Variants in HDX observed in about 807,000 individuals in gnomAD.
The protein encoded by HDX is highly divergent homeobox, also known as chromosome X open reading frame 43.
HDX carries 19 observed loss-of-function variants against 45.2 expected under a neutral mutation model. The observed-to-expected ratio is 0.42, with a 90% CI of 0.29 to 0.62. The LOEUF (loss-of-function observed/expected upper bound fraction) is 0.62. HDX is among the 20% of genes least tolerant of loss of function. HDX has a pLI of 0.20. For synonymous variants in HDX, 188 were observed against 172.8 expected, an observed-to-expected ratio of 1.09 and a Z score of -0.69; for missense variants, 532 against 493.9, an observed-to-expected ratio of 1.08 and a Z score of -0.73.
At chrX:84,475,546 G>A (rs1195523119) in intron 2 of HDX, 149 bp from the exon 3 acceptor site, 1 of 394,656 alleles carries the variant, frequency 2.5e-6, no homozygotes. Flanking sequence ...AATAATTTGT[G>A]TGCTAAAGGG....
At chrX:84,372,985 T>A (rs1237891230) in intron 5 of HDX, among the ~76,000 whole-genome samples, 1 of 112,078 alleles carries the variant, frequency 8.9e-6, no homozygotes, top group Non-Finnish European at 1.9e-5. Flanking sequence ...GTTAAGATAA[T>A]CCATGTGATT....
chrX:84,367,729 T>C (rs1450146314), intron 5 of HDX, among the ~76,000 whole-genome samples: 5 of 111,852 alleles, frequency 4.5e-5, no homozygotes, highest in Non-Finnish European at 9.4e-5. Context: ...GAAACCATCA[T>C]TCTCTGCAAA....
intron 6 of HDX, among the ~76,000 whole-genome samples, chrX:84,353,672 C>A (rs2147825753): frequency 9.0e-6 from 1 of 111,451 alleles, no homozygotes; most frequent in East Asian, 2.8e-4. Flanking sequence ...AACATTATTT[C>A]TAGGTGTGTC....
Position 84,468,903 on chromosome X carries a change from G to A in HDX, c.820C>T (p.Pro274Ser). Reference sequence around the variant, plus strand: ...GCATTTCCTCCCAGAATTCTCTGGGGGTAATCGCTAACTGCCAATGAAAAC... The same window carrying A: ...GCATTTCCTCCCAGAATTCTCTGGGAGTAATCGCTAACTGCCAATGAAAAC... ...EVFSLAVSDY[P>S]QRILGGNAPQ... Residue 274 changes from proline (P) to serine (S), a missense_variant, in exon 4 of 11, where the codon CCC (proline) becomes TCC (serine). Around this residue, in one of 3 missense-constraint regions of HDX, gnomAD observed 376 missense variants for 343.7 expected, o/e 1.09. Transcript: ENST00000373177. The A allele has an allele frequency of 8.3e-7, 1 of 1,210,012 alleles. No homozygotes were observed. The highest frequency in any genetic ancestry group is 1.1e-6 in the Non-Finnish European group (1 of 894,056).
intron 6 of HDX, among the ~76,000 whole-genome samples, chrX:84,358,843 T>C (rs2037549995): frequency 9.0e-6 from 1 of 111,303 alleles, no homozygotes; most frequent in East Asian, 2.9e-4. Flanking sequence ...ACTACAGGTA[T>C]GTACTACCAA....
chrX:84,453,398 A>G (rs761333961), intron 4 of HDX, among the ~76,000 whole-genome samples: 1 of 111,824 alleles, frequency 8.9e-6, no homozygotes, highest in African/African-American at 3.3e-5. Context: ...GCAGAGAAAA[A>G]GTCTGTGCAC....
chrX:84,428,163 A>G (rs972270633), intron 5 of HDX, among the ~76,000 whole-genome samples: 4 of 109,678 alleles, frequency 3.6e-5, no homozygotes, highest in African/African-American at 9.9e-5. Context: ...TATTCTTTGT[A>G]TATTCTAGAA....
At chrX:84,364,719 A>G (rs2147857406) in intron 5 of HDX, among the ~76,000 whole-genome samples, 1 of 108,748 alleles carries the variant, frequency 9.2e-6, no homozygotes, top group East Asian at 2.9e-4. Flanking sequence ...TTCACCTTTT[A>G]TAACTGAAAT....
At chrX:84,379,919 A>C (rs769335873) in intron 5 of HDX, among the ~76,000 whole-genome samples, 63 of 111,294 alleles carry the variant, frequency 5.7e-4, no homozygotes, top group African/African-American at 2.0e-3. Flanking sequence ...ACATCAATGA[A>C]ACAAAGAGTT....
At chrX:84,404,206 T>C (rs1371145053) in intron 5 of HDX, among the ~76,000 whole-genome samples, 1 of 112,005 alleles carries the variant, frequency 8.9e-6, no homozygotes, top group Non-Finnish European at 1.9e-5. Context: ...AAGAATTGAT[T>C]GATTTAGATT....
intron 4 of HDX, among the ~76,000 whole-genome samples, chrX:84,459,081 G>C (rs1233507515): frequency 3.6e-5 from 4 of 111,874 alleles, no homozygotes; most frequent in African/African-American, 1.3e-4. Context: ...ACAAGAGCAA[G>C]TCTGGAAACT....
chrX:84,389,417 C>A (rs987577329), intron 5 of HDX, among the ~76,000 whole-genome samples: 1 of 111,611 alleles, frequency 9.0e-6, no homozygotes, highest in African/African-American at 3.3e-5. Flanking sequence ...CCATCTTGCC[C>A]TTCTCAGTGC....
At chrX:84,359,148 T>C (rs2037557980) in intron 6 of HDX, among the ~76,000 whole-genome samples, 2 of 111,459 alleles carry the variant, frequency 1.8e-5, no homozygotes, top group East Asian at 5.6e-4. Context: ...TAAACTACTG[T>C]TCCAATGATT....
intron 10 of HDX, among the ~76,000 whole-genome samples, chrX:84,325,147 T>C (rs1319155466): frequency 2.7e-5 from 3 of 110,685 alleles, no homozygotes; most frequent in African/African-American, 9.8e-5. Flanking sequence ...GTAAATTCAT[T>C]AGTTTCAATT....
At chrX:84,351,659 C>G (rs1033538659) in intron 6 of HDX, among the ~76,000 whole-genome samples, 3 of 111,235 alleles carry the variant, frequency 2.7e-5, no homozygotes, top group African/African-American at 9.8e-5. Context: ...TTTCCAGTAT[C>G]TATTCTGGGG....
intron 2 of HDX, among the ~76,000 whole-genome samples, chrX:84,476,573 AAAGAAAGGAAGG>A (rs1369037936): frequency 1.1e-4 from 12 of 107,480 alleles, no homozygotes; most frequent in African/African-American, 4.0e-4. Flanking sequence ...AGAGGAAAGA[AAAGAAAGGAAGG>A]AAGGAAGGAA....
At chrX:84,326,677 C>T (rs1040843662) in intron 9 of HDX, among the ~76,000 whole-genome samples, 10 of 110,592 alleles carry the variant, frequency 9.0e-5, no homozygotes, top group African/African-American at 1.6e-4. Context: ...TTTGGGAGGC[C>T]GAGGCGGGTG....
intron 8 of HDX, among the ~76,000 whole-genome samples, chrX:84,334,560 T>C (rs1224309478): frequency 2.8e-5 from 3 of 105,931 alleles, no homozygotes; most frequent in Admixed American, 2.1e-4. Context: ...TAATTAAATA[T>C]CTGTAGAAAG....
intron 7 of HDX, among the ~76,000 whole-genome samples, chrX:84,341,826 C>A (rs767594162): frequency 6.4e-5 from 7 of 109,130 alleles, no homozygotes; most frequent in Non-Finnish European, 1.1e-4. Context: ...AAACTCCCAA[C>A]TTCAAGGGAT....
Sources: allele counts gnomAD v4.1 joint callset (sites outside exome capture counted in the v4.1 genomes callset), GRCh38; gene constraint gnomAD v4.1.1; regional missense constraint gnomAD v4.1.1; transcripts MANE v1.5; gene names NCBI Gene and HGNC (gene_info 2026-07-23, HGNC 2026-07-21).